Variants in GALNT8 observed in about 807,000 individuals in gnomAD.
GALNT8 encodes the protein probable polypeptide N-acetylgalactosaminyltransferase 8.
Under a neutral mutation model 62.7 loss-of-function variants are expected in GALNT8, and 66 were observed. That is an observed-to-expected ratio of 1.05 (90% CI 0.86 to 1.29). The LOEUF is 1.29. Ranked by LOEUF, GALNT8 falls within the 50% of genes most tolerant of loss-of-function variation. The probability of loss-of-function intolerance (pLI) is 0.00; values close to 1 mark genes in which losing one functional copy is unlikely to be tolerated. For synonymous variants in GALNT8, 288 were observed against 294.3 expected (o/e 0.98, Z 0.22); for missense variants, 771 against 791.8 (o/e 0.97, Z 0.32).
chr12:4,764,530 ATTTTTTTTTTTT>A (rs58809573), intron 9 of GALNT8, among the ~76,000 whole-genome samples: 22 of 102,220 alleles, frequency 2.2e-4, no homozygotes, highest in South Asian at 3.9e-4. Flanking sequence ...CAGTCAGGGG[ATTTTTTTTTTTT>A]TTTTTTTTTT....
Position 4,761,098 on chromosome 12 carries a change from T to C in GALNT8, c.1314T>C (p.Asp438=). ...NALRVAEIWM[D]EHKHMVYLAW... is the part of the protein sequence containing the mutation. ...TGCGAGTGGCCGAAATCTGGATGGA[T>C]GAGCACAAACACATGGTCTACTTGG... The change falls in exon 7 of 11, where the codon GAT becomes GAC. Residue 438 remains aspartate, a synonymous_variant. Transcript: ENST00000252318. 1 of 1,614,096 alleles carries C rather than the reference T, an allele frequency of 6.2e-7. No individual in the cohort carries two copies. Among genetic ancestry groups the C allele is most frequent in the Non-Finnish European group, 8.5e-7 (1 of 1,180,018 alleles).
chr12:4,746,926 C>G (rs891490264), intron 6 of GALNT8, among the ~76,000 whole-genome samples: 1 of 152,048 alleles, frequency 6.6e-6, no homozygotes, highest in South Asian at 2.1e-4. Context: ...ACAATAAATC[C>G]TCAAACCAGT....
In GALNT8 at chr12:4,772,341, T is replaced by C. The variant is rs112074150; in HGVS notation, c.1762-104T>C. On this transcript the variant is annotated intron_variant, in intron 10 of 10. Transcript: ENST00000252318. ...GGATGACTTGTGGAGCACTGAGGGGTCCCTCAAGAATGTGGCTGAGCACAG... is the reference window on the plus strand; with the variant it reads ...GGATGACTTGTGGAGCACTGAGGGGCCCCTCAAGAATGTGGCTGAGCACAG... The C allele has an allele frequency of 6.6e-4, 631 of 955,322 alleles. 2 individuals are homozygous for C. The African/African-American group carries it at 8.5e-3, about 13-fold the overall frequency. 59.2% of individuals were successfully genotyped at this position (955,322 alleles called of 1,614,324 possible).
At chr12:4,746,115 A>C in intron 5 of GALNT8, 29 bp from the exon 6 acceptor site, 2 of 1,292,510 alleles carry the variant, frequency 1.5e-6, no homozygotes, top group Non-Finnish European at 2.3e-6. Flanking sequence ...TTATGGAGAG[A>C]TTAGTGACTC....
chr12:4,734,717 A>G (rs1946236872), intron 2 of GALNT8, among the ~76,000 whole-genome samples: 1 of 134,452 alleles, frequency 7.4e-6, no homozygotes, highest in African/African-American at 2.6e-5. Context: ...AAAACCCTTT[A>G]GTCCCTCTAG....
intron 10 of GALNT8, among the ~76,000 whole-genome samples, chr12:4,771,015 C>T (rs964186244): frequency 6.6e-6 from 1 of 152,078 alleles, no homozygotes; most frequent in East Asian, 1.9e-4. Context: ...GGGCATGGGG[C>T]CGCTCTTTTG....
chr12:4,772,277 G>A (rs937477264), intron 10 of GALNT8, among the ~76,000 whole-genome samples, 168 bp from the exon 11 acceptor site: 2 of 152,222 alleles, frequency 1.3e-5, no homozygotes, highest in African/African-American at 4.8e-5. Flanking sequence ...AGGAAGCACG[G>A]GGTGATCTCA....
Position 4,772,446 on chromosome 12 carries a change from G to T in GALNT8, c.1763G>T (p.Gly588Val). The change falls in exon 11 of 11, where the codon GGA becomes GTA. Residue 588 changes from glycine (G) to valine (V), a missense_variant and splice_region_variant. Coordinates refer to ENST00000252318, the MANE Select transcript of GALNT8 (RefSeq NM_017417.2). ...GGCTCTGTCTCTCTTCCCCTCCAGGGAGGAGCTGTCATAAACAGAGATACC... is the reference window on the plus strand; with the variant it reads ...GGCTCTGTCTCTCTTCCCCTCCAGGTAGGAGCTGTCATAAACAGAGATACC... The part of the protein sequence containing the change: ...RLHIYWDFKP[G>V]GAVINRDTKR... 1 of 1,613,408 alleles carries T rather than the reference G, an allele frequency of 6.2e-7. No individual in the cohort carries two copies.
intron 10 of GALNT8, among the ~76,000 whole-genome samples, chr12:4,769,339 C>A (rs1946413129): frequency 6.6e-6 from 1 of 152,156 alleles, no homozygotes; most frequent in African/African-American, 2.4e-5. Flanking sequence ...TGTAGGAAAA[C>A]CAGACACTCC....
rs1484818808 is a variant in GALNT8, at chr12:4,749,335, T to C, written c.1173+3077T>C. Among the ~76,000 whole-genome samples the C allele has an allele frequency of 6.6e-6, 1 of 152,074 alleles. No individual in the cohort carries two copies. The highest frequency in any genetic ancestry group is 1.5e-5 in the Non-Finnish European group (1 of 67,938). ...ATGTTAAGGTATGTTTCTTCTATAC[T>C]TAGTTTTTTGAGGGGTTTTAAATCA... On this transcript the variant is annotated intron_variant, in intron 6 of 10. Coordinates refer to ENST00000252318, the MANE Select transcript of GALNT8 (RefSeq NM_017417.2). The surrounding 1 kb of genome is among the most constrained non-coding windows in gnomAD (Gnocchi z 4.1).
In GALNT8 at chr12:4,720,886, T is replaced by A. The variant is rs762626292; in HGVS notation, c.209T>A (p.Leu70Gln). 6.4e-7 allele frequency: 1 copy of A among 1,567,282 alleles called. No homozygotes were observed. Among genetic ancestry groups the A allele is most frequent in the South Asian group, 1.1e-5 (1 of 90,268 alleles). ...CACTTGGAGGTGGAATTGCAGGATC[T>A]GAGTAAGTTTACAATGCTAACCTGG... Reference protein sequence around the residue: ...LSHLEVELQDLKESMKLALRQ... With the variant: ...LSHLEVELQDQKESMKLALRQ... The change falls in exon 1 of 11, where the codon CTG (leucine) becomes CAG (glutamine). Residue 70 changes from leucine (L) to glutamine (Q), a missense_variant and splice_region_variant. Leu to Gln is a moderately radical substitution (Grantham distance 113, BLOSUM62 -2). Coordinates refer to ENST00000252318, the MANE Select transcript of GALNT8 (RefSeq NM_017417.2).
chr12:4,761,191 G>T, intron 7 of GALNT8, 48 bp downstream of exon 7: 1 of 1,549,622 alleles, frequency 6.5e-7, no homozygotes, highest in Admixed American at 1.7e-5. Context: ...AAGAGGAGGA[G>T]GTGGCGGTTA....
chr12:4,723,393 C>G (rs1291848970), intron 1 of GALNT8, among the ~76,000 whole-genome samples: 1 of 152,148 alleles, frequency 6.6e-6, no homozygotes, highest in Non-Finnish European at 1.5e-5. Context: ...TGCCTGTGTA[C>G]CTAGGGTGGT....
chr12:4,753,188 C>T (rs1178309896), intron 6 of GALNT8, among the ~76,000 whole-genome samples: 1 of 152,124 alleles, frequency 6.6e-6, no homozygotes, highest in Non-Finnish European at 1.5e-5. Context: ...CATTCTTGTA[C>T]TTGGACATTG....
chr12:4,725,803 C>T (rs1461666992), intron 1 of GALNT8, among the ~76,000 whole-genome samples: 2 of 152,144 alleles, frequency 1.3e-5, no homozygotes, highest in Non-Finnish European at 2.9e-5. Context: ...ATCCGCCCAC[C>T]TCGGCCTCCC....
chr12:4,748,176 T>C (rs984734698), intron 6 of GALNT8, among the ~76,000 whole-genome samples: 1 of 152,222 alleles, frequency 6.6e-6, no homozygotes, highest in African/African-American at 2.4e-5. Context: ...GGGCTGTCTC[T>C]TCACCTTGTT....
Position 4,739,321 on chromosome 12 carries a change from G to C in GALNT8, c.668G>C (p.Ser223Thr). ...LKEIILVDDFSSNGELKVHLD... is the reference protein window; with the variant it reads ...LKEIILVDDFTSNGELKVHLD... The stretch of plus-strand genomic sequence containing the variant: ...GAAATCATCTTGGTGGATGATTTCA[G>C]CTCAAATGGTGAGCAACGTGATCAA... The change falls in exon 3 of 11, where the codon AGC becomes ACC. Residue 223 changes from serine (S) to threonine (T), a missense_variant. Ser to Thr is a moderately conservative substitution (Grantham distance 58). Coordinates refer to ENST00000252318, the MANE Select transcript of GALNT8 (RefSeq NM_017417.2). The C allele has an allele frequency of 6.2e-7, 1 of 1,612,230 alleles. No individual in the cohort carries two copies. Among genetic ancestry groups the C allele is most frequent in the Non-Finnish European group, 8.5e-7 (1 of 1,178,940 alleles).
chr12:4,769,841 A>G, intron 10 of GALNT8, among the ~76,000 whole-genome samples: 1 of 152,130 alleles, frequency 6.6e-6, no homozygotes. Context: ...CTCACCTGCC[A>G]GCAGCCCATG....
chr12:4,764,383 A>G (rs1453109422), intron 9 of GALNT8, among the ~76,000 whole-genome samples: 1 of 151,974 alleles, frequency 6.6e-6, no homozygotes, highest in Non-Finnish European at 1.5e-5. Context: ...TCTCACTGCT[A>G]CTGGAAAGCC....
Sources: allele counts gnomAD v4.1 joint callset (sites outside exome capture counted in the v4.1 genomes callset), GRCh38; gene constraint gnomAD v4.1.1; non-coding constraint Gnocchi (gnomAD v3.1); transcripts MANE v1.5; gene names NCBI Gene and HGNC (gene_info 2026-07-23, HGNC 2026-07-21).